Variants in RPRD1A observed in about 807,000 individuals in gnomAD.
The protein encoded by RPRD1A is regulation of nuclear pre-mRNA domain containing 1A, also known as regulation of nuclear pre-mRNA domain-containing protein 1A.
Under a neutral mutation model 37.8 loss-of-function variants are expected in RPRD1A, and 9 were observed. The observed-to-expected ratio is 0.24, with a 90% confidence interval of 0.14 to 0.42. RPRD1A has a LOEUF of 0.42. RPRD1A is among the 10% of genes least tolerant of loss of function. RPRD1A has a pLI of 1.00. For missense variants in RPRD1A, 255 were observed against 371.0 expected (o/e 0.69, Z 2.57); for synonymous variants, 138 against 139.7 (o/e 0.99, Z 0.08).
At chr18:36,000,008 A>G (rs548305618) in intron 6 of RPRD1A, among the ~76,000 whole-genome samples, 7 of 152,288 alleles carry the variant, frequency 4.6e-5, no homozygotes, top group African/African-American at 1.7e-4. Context: ...AGATTAGAGG[A>G]AAAAATTAAC....
rs544633747 is a variant in RPRD1A at position 35,990,947 on chromosome 18, G to A, written c.*2204C>T. 1.3e-5 allele frequency: 2 copies of A among 152,182 alleles called. No homozygotes were observed. The highest frequency in any genetic ancestry group is 4.2e-4 in the South Asian group (2 of 4,814). The allele number at this position is 152,182 out of a possible 1,614,324, so 9.4% of individuals were successfully genotyped here. ...TTGTGGAGGATTGGTCGAGGGGTGG[G>A]ATTCAGGTTTTTGAGTACTATCACT... On this transcript the variant is annotated 3_prime_UTR_variant, in exon 7 of 7. Transcript: ENST00000399022.
At chr18:36,006,258 ACTCCCAACCTCCCAGGCTCAAGCAGTC>A (rs1909743296) in intron 6 of RPRD1A, among the ~76,000 whole-genome samples, 1 of 152,002 alleles carries the variant, frequency 6.6e-6, no homozygotes, top group African/African-American at 2.4e-5. Context: ...GGCTCACTGC[ACTCCCAACCTCCCAGGCTCAAGCAGTC>A]CTCCCACCTC....
intron 6 of RPRD1A, among the ~76,000 whole-genome samples, chr18:36,008,575 G>GTGTGTGTGTGTATA: frequency 2.4e-5 from 1 of 42,384 alleles, no homozygotes; most frequent in African/African-American, 8.6e-5. Flanking sequence ...GACCTTGTGT[G>GTGTGTGTGTGTATA]TGTATATATA....
chr18:36,003,882 T>C (rs935969510), intron 6 of RPRD1A, among the ~76,000 whole-genome samples: 2 of 152,020 alleles, frequency 1.3e-5, no homozygotes, highest in East Asian at 3.9e-4. Flanking sequence ...CACTGTAGTC[T>C]CGACCTCCTG....
intron 1 of RPRD1A, among the ~76,000 whole-genome samples, chr18:36,037,577 G>A (rs1213509672): frequency 6.6e-6 from 1 of 152,172 alleles, no homozygotes; most frequent in Non-Finnish European, 1.5e-5. Flanking sequence ...CAAGTAGTGG[G>A]GCACTGCTGT....
At chr18:36,035,755 G>A (rs1457048323) in intron 1 of RPRD1A, among the ~76,000 whole-genome samples, 1 of 152,148 alleles carries the variant, frequency 6.6e-6, no homozygotes, top group Non-Finnish European at 1.5e-5. Context: ...GTATTATTCA[G>A]CCTTATAGAA....
intron 1 of RPRD1A, among the ~76,000 whole-genome samples, chr18:36,061,998 C>A (rs2088920159): frequency 6.6e-6 from 1 of 152,092 alleles, no homozygotes; most frequent in Admixed American, 6.5e-5. Context: ...AAAACTGGAC[C>A]CTCATACACT....
rs141470317 is a variant in RPRD1A, at chr18:36,015,820, A to G, written c.789+11080T>C. Among the ~76,000 whole-genome samples the G allele has an allele frequency of 1.5e-3, 228 of 152,334 alleles. 6 individuals are homozygous for G. In the East Asian group the frequency reaches 0.035, roughly 23 times the overall value. On this transcript the variant is annotated intron_variant, in intron 6 of 6. Transcript: ENST00000399022. ...GTGGCTGGGTGAAGGCGGAAATGAG[A>G]AATTGTTGAATGGGTAGGTACAGAG...
chr18:36,057,635 A>T (rs192986935), intron 1 of RPRD1A, among the ~76,000 whole-genome samples: 2 of 151,056 alleles, frequency 1.3e-5, no homozygotes, highest in Non-Finnish European at 2.9e-5. Flanking sequence ...AATAAATAAA[A>T]GTTTATCTAA....
intron 6 of RPRD1A, among the ~76,000 whole-genome samples, chr18:35,997,404 A>G (rs1198027262): frequency 6.6e-6 from 1 of 152,190 alleles, no homozygotes; most frequent in Non-Finnish European, 1.5e-5. Context: ...AAAAAGAGGG[A>G]AAAAAATTCT....
intron 1 of RPRD1A, among the ~76,000 whole-genome samples, chr18:36,046,808 C>G (rs1486692374): frequency 6.6e-6 from 1 of 151,058 alleles, no homozygotes; most frequent in Admixed American, 6.6e-5. Flanking sequence ...GCACTTCAGC[C>G]TGGGTGACAG....
chr18:36,057,049 TACAAAAA>T (rs1183424906), intron 1 of RPRD1A, among the ~76,000 whole-genome samples: 2 of 23,298 alleles, frequency 8.6e-5, no homozygotes, highest in Non-Finnish European at 1.5e-4. Flanking sequence ...ACCCTGTTTC[TACAAAAA>T]AAAAAAAAAA....
intron 1 of RPRD1A, among the ~76,000 whole-genome samples, chr18:36,055,189 C>T (rs1913674760): frequency 6.6e-6 from 1 of 152,128 alleles, no homozygotes; most frequent in South Asian, 2.1e-4. Context: ...GATAGTTTGG[C>T]AAAAATACTG....
At chr18:36,024,286 A>G (rs2144260172) in intron 6 of RPRD1A, among the ~76,000 whole-genome samples, 1 of 150,106 alleles carries the variant, frequency 6.7e-6, no homozygotes, top group East Asian at 2.0e-4. Flanking sequence ...AGCTGGGACT[A>G]CAGGCACCCA....
rs184079839 is a variant in RPRD1A at position 36,001,624 on chromosome 18, G to C, written c.790-8324C>G. ...GGCTTATGTTTGTAAGCAAAAATAG[G>C]GTTCTTTGCTACAGGCCTGCTCAGA... On this transcript the variant is annotated intron_variant, in intron 6 of 6. Transcript: ENST00000399022. 4.0e-4 allele frequency among the ~76,000 whole-genome samples: 61 copies of C among 152,174 alleles called. 1 individual carries two copies. The highest frequency in any genetic ancestry group is 1.4e-3 in the African/African-American group (60 of 41,522).
intron 1 of RPRD1A, among the ~76,000 whole-genome samples, chr18:36,039,153 T>A (rs1377574783): frequency 6.6e-6 from 1 of 152,076 alleles, no homozygotes; most frequent in Non-Finnish European, 1.5e-5. Context: ...TTTGGCTGTG[T>A]CCCCACCCAA....
intron 6 of RPRD1A, among the ~76,000 whole-genome samples, chr18:36,006,917 C>A (rs963796465): frequency 2.6e-5 from 4 of 152,184 alleles, no homozygotes; most frequent in African/African-American, 9.7e-5. Context: ...GAAAAAGAGT[C>A]ATCTGGCCTA....
intron 6 of RPRD1A, among the ~76,000 whole-genome samples, chr18:36,012,853 CTAAT>C (rs1424511680): frequency 1.3e-5 from 2 of 152,074 alleles, no homozygotes; most frequent in Non-Finnish European, 2.9e-5. Context: ...TATTAGTAGG[CTAAT>C]TAAACAGTAT....
chr18:36,031,559 T>G (rs1911791199), intron 2 of RPRD1A, among the ~76,000 whole-genome samples: 1 of 152,232 alleles, frequency 6.6e-6, no homozygotes. Context: ...GACCTGGCCC[T>G]GTTTAAGAGA....
Sources: gnomAD v4.1 joint callset for allele counts (sites outside exome capture counted in the v4.1 genomes callset) on GRCh38, gnomAD v4.1.1 for gene constraint, MANE v1.5 for transcripts, NCBI Gene and HGNC (gene_info 2026-07-23, HGNC 2026-07-21) for gene names.